PLA2G6: variants seen among roughly 807,000 people sequenced by gnomAD.
PLA2G6 encodes the protein 85/88 kDa calcium-independent phospholipase A2.
Under a neutral mutation model 83.8 loss-of-function variants are expected in PLA2G6, and 62 were observed. The ratio of observed to expected loss-of-function variants is 0.74; its 90% confidence interval spans 0.60 to 0.91. The LOEUF is 0.91. Ranked by LOEUF, PLA2G6 falls within the 40% of genes least tolerant of loss-of-function variation. PLA2G6 has a pLI of 0.00. For synonymous variants in PLA2G6, 417 were observed against 449.8 expected, an observed-to-expected ratio of 0.93 and a Z score of 0.92; for missense variants, 944 against 1,102.0, an observed-to-expected ratio of 0.86 and a Z score of 2.03.
intron 5 of PLA2G6, chr22:38,139,744 T>G: frequency 5.7e-6 from 3 of 528,190 alleles, no homozygotes; most frequent in Non-Finnish European, 1.0e-5. Flanking sequence ...CAGAAAAATT[T>G]TAAAGTCTCC....
At chr22:38,145,191 G>A in intron 3 of PLA2G6, 11 of 536,488 alleles carry the variant, frequency 2.1e-5, no homozygotes, top group Non-Finnish European at 1.0e-5. Context: ...ATAGACACAT[G>A]CTAATTTTTT....
chr22:38,133,327 C>T, intron 6 of PLA2G6: 1 of 456,080 alleles, frequency 2.2e-6, no homozygotes, highest in Non-Finnish European at 4.0e-6. Context: ...CCTGAAGCAC[C>T]CCGCTCCCTG....
At chr22:38,158,009 C>G (rs993943711) in intron 2 of PLA2G6, among the ~76,000 whole-genome samples, 2 of 151,754 alleles carry the variant, frequency 1.3e-5, no homozygotes, top group Admixed American at 1.3e-4. Flanking sequence ...GCACTCCAGC[C>G]TGGGCAACAG....
chr22:38,121,198 T>C (rs1953893054), intron 11 of PLA2G6, among the ~76,000 whole-genome samples: 1 of 151,906 alleles, frequency 6.6e-6, no homozygotes, highest in East Asian at 1.9e-4. Flanking sequence ...CCCAACATGG[T>C]GAAACCCCGT....
intron 14 of PLA2G6, among the ~76,000 whole-genome samples, chr22:38,114,706 T>G (rs1295740338): frequency 6.6e-6 from 1 of 152,196 alleles, no homozygotes; most frequent in African/African-American, 2.4e-5. Flanking sequence ...GAGCCTCTGC[T>G]GCGCTGCCCA....
rs1290554462 is a variant in PLA2G6, at chr22:38,128,402, CAG to C, written c.1213_1214del (p.Leu405AlafsTer108). On this transcript the variant is annotated frameshift_variant, in exon 9 of 17. Coordinates refer to ENST00000332509, the MANE Select transcript of PLA2G6 (RefSeq NM_003560.4). LOFTEE classifies it high-confidence loss of function. This position sits in a 1 kb window ranked among gnomAD's most constrained non-coding sequence, Gnocchi z 4.4. Reference protein sequence around the residue: ...RLVTRKAILTLLRTVGAEYCF... With the variant: ...RLVTRKAILTXLRTVGAEYCF... Reference sequence around the variant, plus strand: ...AGTATTCGGCCCCCACGGTTCTCAGCAGAGTCAAGATCGCCTTCCTGGTGACA... The same window carrying C: ...AGTATTCGGCCCCCACGGTTCTCAGCAGTCAAGATCGCCTTCCTGGTGACA... 4 of 1,613,996 alleles carry C rather than the reference CAG, an allele frequency of 2.5e-6. No individual in the cohort carries two copies. The African/African-American group carries it at 5.3e-5, about 22-fold the overall frequency.
At chr22:38,112,685 T>C in intron 15 of PLA2G6, 108 bp from the exon 16 acceptor site, 1 of 920,200 alleles carries the variant, frequency 1.1e-6, no homozygotes, top group Non-Finnish European at 1.7e-6. Flanking sequence ...AGCCCCAGGC[T>C]CTTTCGAGTC....
Position 38,132,792 on chromosome 22 carries a change from C to T in PLA2G6, c.1077+39G>A, listed in dbSNP as rs917335188. ...CCGGACAGCCCTCCTGCATTCCCAC[C>T]GGGGCCCCACAGGGCAGGACACGCG... On this transcript the variant is annotated intron_variant, in intron 7 of 16. Coordinates refer to ENST00000332509, the MANE Select transcript of PLA2G6 (RefSeq NM_003560.4). The surrounding 1 kb of genome is among the most constrained non-coding windows in gnomAD (Gnocchi z 5.0). 1.6e-5 allele frequency: 25 copies of T among 1,522,908 alleles called. No homozygotes were observed. Among genetic ancestry groups the T allele is most frequent in the Admixed American group, 2.0e-5 (1 of 50,732 alleles). The allele number at this position is 1,522,908 out of a possible 1,614,324, so 94.3% of individuals were successfully genotyped here.
At chr22:38,176,580 C>CA (rs1028081608) in intron 1 of PLA2G6, among the ~76,000 whole-genome samples, 62 of 152,220 alleles carry the variant, frequency 4.1e-4, no homozygotes, top group African/African-American at 1.4e-3. Context: ...AGGGTCCACT[C>CA]AGAGTGCCAA....
chr22:38,139,961 G>A (rs1339493341), intron 5 of PLA2G6, 21 bp downstream of exon 5: 4 of 1,556,300 alleles, frequency 2.6e-6, no homozygotes. Context: ...GCCAGCAGAT[G>A]GGGAGGGGAG....
intron 2 of PLA2G6, among the ~76,000 whole-genome samples, chr22:38,152,964 C>T (rs185256395): frequency 7.3e-5 from 11 of 150,298 alleles, no homozygotes; most frequent in Admixed American, 2.0e-4. Context: ...CGTCCTCCTG[C>T]GGGGAAAAAA....
intron 2 of PLA2G6, among the ~76,000 whole-genome samples, chr22:38,166,865 A>G (rs554134397): frequency 2.6e-5 from 4 of 152,316 alleles, no homozygotes; most frequent in African/African-American, 9.6e-5. Context: ...TATCATCCCA[A>G]GGCTATTTTC....
chr22:38,124,647 T>C (rs896569620), intron 10 of PLA2G6, among the ~76,000 whole-genome samples: 1 of 151,994 alleles, frequency 6.6e-6, no homozygotes, highest in Admixed American at 6.6e-5. Flanking sequence ...CCATTCGCAA[T>C]CTTTCTTTTA....
intron 11 of PLA2G6, among the ~76,000 whole-genome samples, chr22:38,121,967 G>A (rs755364222): frequency 3.9e-5 from 6 of 152,242 alleles, no homozygotes; most frequent in Non-Finnish European, 5.9e-5. Flanking sequence ...TGCTCACCCC[G>A]CAGGGCTATG....
intron 1 of PLA2G6, among the ~76,000 whole-genome samples, chr22:38,172,379 C>T (rs983312578): frequency 2.6e-5 from 4 of 152,122 alleles, no homozygotes; most frequent in African/African-American, 9.7e-5. Flanking sequence ...AAGCTTGGCT[C>T]ACAGAAAGTT....
chr22:38,152,651 T>G (rs978691211), intron 2 of PLA2G6, among the ~76,000 whole-genome samples: 2 of 152,212 alleles, frequency 1.3e-5, no homozygotes, highest in African/African-American at 4.8e-5. Context: ...CTCTTTTCTA[T>G]GTATAATACT....
At chr22:38,162,213 A>AG (rs2090043895) in intron 2 of PLA2G6, among the ~76,000 whole-genome samples, 2 of 150,718 alleles carry the variant, frequency 1.3e-5, no homozygotes, top group African/African-American at 4.9e-5. Context: ...TGTGTCAAAA[A>AG]AAAAAAAAAG....
chr22:38,138,036 TATGTG>T (rs2088661574), intron 5 of PLA2G6: 1 of 152,142 alleles, frequency 6.6e-6, no homozygotes, highest in Non-Finnish European at 1.5e-5. Flanking sequence ...AAGATCCTCT[TATGTG>T]ATGGGACGCT....
intron 6 of PLA2G6, 119 bp downstream of exon 6, chr22:38,134,869 G>T: frequency 1.5e-6 from 1 of 678,378 alleles, no homozygotes; most frequent in Non-Finnish European, 2.6e-6. Context: ...CACACCCACT[G>T]CAAGGTCAGC....
Sources: gnomAD v4.1 joint callset for allele counts (sites outside exome capture counted in the v4.1 genomes callset) on GRCh38, gnomAD v4.1.1 for gene constraint, Gnocchi (gnomAD v3.1) non-coding constraint, MANE v1.5 for transcripts, NCBI Gene and HGNC (gene_info 2026-07-23, HGNC 2026-07-21) for gene names.